The following PAAF1 variants were observed in gnomAD, a reference collection of about 807,000 sequenced individuals.
PAAF1 encodes proteasomal ATPase-associated factor 1.
Under a neutral mutation model 52.8 loss-of-function variants are expected in PAAF1, and 46 were observed. That is an observed-to-expected ratio of 0.87 (90% CI 0.69 to 1.11). PAAF1 has a LOEUF of 1.11. Ranked by LOEUF, PAAF1 falls within the 50% of genes most tolerant of loss-of-function variation. The pLI is 0.00. For missense variants in PAAF1, 424 were observed against 477.4 expected (o/e 0.89, Z 1.04); for synonymous variants, 178 against 172.8 (o/e 1.03, Z -0.24).
intron 6 of PAAF1, among the ~76,000 whole-genome samples, chr11:73,908,953 T>A (rs1310777417): frequency 2.6e-5 from 4 of 152,028 alleles, no homozygotes; most frequent in Admixed American, 2.0e-4. Context: ...CACGCCTGGC[T>A]ATTTTGTATT....
intron 2 of PAAF1, chr11:73,880,559 C>T (rs76288991): frequency 0.084 from 12,598 of 149,604 alleles, 780 homozygotes; most frequent in Admixed American, 0.13. Context: ...TGGTGGTGGG[C>T]CCCTGTAGTC....
chr11:73,923,495 AGTTTT>A (rs772841186), intron 10 of PAAF1, among the ~76,000 whole-genome samples: 10 of 152,030 alleles, frequency 6.6e-5, no homozygotes, highest in Admixed American at 1.3e-4. Context: ...TTAGTTTTAA[AGTTTT>A]GTTCAGTGAG....
chr11:73,886,830 G>A (rs1382848119), intron 2 of PAAF1: 1 of 243,916 alleles, frequency 4.1e-6, no homozygotes, highest in Admixed American at 4.9e-5. Flanking sequence ...CCTAATGGGG[G>A]GTGTTTGGGT....
chr11:73,926,625 C>T (rs1340208131), intron 11 of PAAF1, among the ~76,000 whole-genome samples: 2 of 152,108 alleles, frequency 1.3e-5, no homozygotes, highest in Admixed American at 6.5e-5. Context: ...AGGAGAATGG[C>T]GTGAACCCGG....
chr11:73,891,289 T>A, intron 4 of PAAF1, 88 bp downstream of exon 4: 1 of 727,846 alleles, frequency 1.4e-6, no homozygotes, highest in Non-Finnish European at 2.3e-6. Context: ...AACATATTCA[T>A]AATTAATATG....
intron 8 of PAAF1, 74 bp from the exon 9 acceptor site, chr11:73,916,471 C>A: frequency 1.1e-6 from 1 of 942,324 alleles, no homozygotes; most frequent in Non-Finnish European, 1.6e-6. Context: ...GAAATTTTTC[C>A]TTTTTTGGTG....
chr11:73,879,265 A>G (rs1670543), intron 2 of PAAF1: 79,023 of 152,188 alleles, frequency 0.52, 22,236 homozygotes, highest in African/African-American at 0.75. Flanking sequence ...AAACCAAGCT[A>G]AGTACATTTG....
chr11:73,920,262 AGTG>A (rs1440958073), intron 10 of PAAF1, among the ~76,000 whole-genome samples: 2 of 152,158 alleles, frequency 1.3e-5, no homozygotes, highest in Non-Finnish European at 2.9e-5. Flanking sequence ...GGCTGGGCAC[AGTG>A]GCTCATGCCT....
At chr11:73,910,961 G>GC (rs1949913094) in intron 7 of PAAF1, among the ~76,000 whole-genome samples, 1 of 139,716 alleles carries the variant, frequency 7.2e-6, no homozygotes, top group South Asian at 2.2e-4. Flanking sequence ...TTGCACTCCA[G>GC]CCCAGGCGAC....
At chr11:73,892,950 G>A (rs1007613213) in intron 4 of PAAF1, among the ~76,000 whole-genome samples, 43 of 152,254 alleles carry the variant, frequency 2.8e-4, no homozygotes, top group African/African-American at 1.0e-3. Context: ...GTGAGCCACC[G>A]TGCCCAGCCT....
chr11:73,912,988 C>T (rs1252725782), intron 7 of PAAF1, among the ~76,000 whole-genome samples: 4 of 152,036 alleles, frequency 2.6e-5, no homozygotes, highest in Non-Finnish European at 4.4e-5. Flanking sequence ...GCAATTCTCC[C>T]GCCTCAGCCT....
intron 7 of PAAF1, among the ~76,000 whole-genome samples, chr11:73,911,161 G>A (rs1272664034): frequency 1.3e-5 from 2 of 151,950 alleles, no homozygotes; most frequent in African/African-American, 4.8e-5. Context: ...TTTACATTAG[G>A]GCTTACTCTT....
intron 6 of PAAF1, 26 bp from the exon 7 acceptor site, chr11:73,909,373 C>T: frequency 6.2e-7 from 1 of 1,610,766 alleles, no homozygotes; most frequent in Non-Finnish European, 8.5e-7. Context: ...CATCCTCCAT[C>T]TTAGGGAGTT....
chr11:73,904,529 A>G (rs1201320032), intron 6 of PAAF1, among the ~76,000 whole-genome samples: 1 of 152,126 alleles, frequency 6.6e-6, no homozygotes, highest in Non-Finnish European at 1.5e-5. Flanking sequence ...ATTTTAAGAA[A>G]CCAGGTTGCA....
At chr11:73,926,220 C>A (rs1211204786) in intron 11 of PAAF1, among the ~76,000 whole-genome samples, 1 of 152,094 alleles carries the variant, frequency 6.6e-6, no homozygotes, top group African/African-American at 2.4e-5. Context: ...GATTCTCCTG[C>A]CTCAGCCTCT....
rs372649193 is a variant in PAAF1, at chr11:73,912,688, G to T, written c.728-1725G>T. Among the ~76,000 whole-genome samples the T allele has an allele frequency of 5.3e-5, 8 of 152,126 alleles. No individual in the cohort carries two copies. In the East Asian group the frequency reaches 7.7e-4, roughly 15 times the overall value. ...CATTCCTGCTTAAAACTCTCCAGTGGCCTCCCTTTATAAATATGTTGAAAT... is the reference window on the plus strand; with the variant it reads ...CATTCCTGCTTAAAACTCTCCAGTGTCCTCCCTTTATAAATATGTTGAAAT... On this transcript the variant is annotated intron_variant, in intron 7 of 11. Transcript: ENST00000310571.
chr11:73,889,474 A>G (rs1334746788), intron 3 of PAAF1, among the ~76,000 whole-genome samples: 1 of 152,190 alleles, frequency 6.6e-6, no homozygotes, highest in African/African-American at 2.4e-5. Context: ...TTTTCTTTAA[A>G]ATATTTTCAT....
At chr11:73,886,672 C>CA (rs55697916) in intron 2 of PAAF1, among the ~76,000 whole-genome samples, 2,658 of 34,092 alleles carry the variant, frequency 0.078, 430 homozygotes, top group African/African-American at 0.12. Flanking sequence ...GACTCCATCT[C>CA]AAAAAAAAAA....
intron 10 of PAAF1, among the ~76,000 whole-genome samples, chr11:73,924,311 T>G (rs1950298379): frequency 6.6e-6 from 1 of 152,044 alleles, no homozygotes; most frequent in Non-Finnish European, 1.5e-5. Context: ...CCAGGCGTGG[T>G]GGTGGGCACC....
Sources: gnomAD v4.1 joint callset for allele counts (sites outside exome capture counted in the v4.1 genomes callset) on GRCh38, gnomAD v4.1.1 for gene constraint, MANE v1.5 for transcripts, NCBI Gene and HGNC (gene_info 2026-07-23, HGNC 2026-07-21) for gene names.